The following SPTBN5 variants were observed in gnomAD, a reference collection of about 807,000 sequenced individuals.
The protein encoded by SPTBN5 is spectrin beta, non-erythrocytic 5, also known as spectrin beta chain, non-erythrocytic 5.
SPTBN5 carries 513 observed loss-of-function variants against 477.6 expected under a neutral mutation model. The ratio of observed to expected loss-of-function variants is 1.07; its 90% CI spans 1.00 to 1.16. The LOEUF (loss-of-function observed/expected upper bound fraction) is 1.16. Ranked by LOEUF, SPTBN5 falls within the 50% of genes most tolerant of loss-of-function variation. The pLI is 0.00. For synonymous variants in SPTBN5, 2,169 were observed against 2,011.7 expected, an observed-to-expected ratio of 1.08 and a Z score of -2.09; for missense variants, 5,062 against 4,731.8, an observed-to-expected ratio of 1.07 and a Z score of -2.05.
In SPTBN5 at chr15:41,860,633, G is replaced by C. The variant is rs968291410; in HGVS notation, c.7941C>G (p.His2647Gln). The C allele has an allele frequency of 6.5e-7, 1 of 1,533,128 alleles. No individual in the cohort carries two copies. Among genetic ancestry groups the C allele is most frequent in the Middle Eastern group, 1.8e-4 (1 of 5,486 alleles). The allele number at this position is 1,533,128 out of a possible 1,614,324, so 95.0% of individuals were successfully genotyped here. A position where few individuals can be genotyped will look rare whatever the true frequency, so the allele number is the denominator to read the frequency against. The change falls in exon 47 of 68, where the codon CAC becomes CAG. Residue 2647 changes from histidine (H) to glutamine (Q), a missense_variant. By Grantham distance (24) the His-to-Gln change is conservative. Transcript: ENST00000320955. ...TGCCCAGGGCACTCTGGGCCTCGGG[G>C]TGCCCACCCTGGTGCAGGCCGCGGG... Reference protein sequence around the residue: ...ATARGLHQGGHPEAQSALGRC... With the variant: ...ATARGLHQGGQPEAQSALGRC...
At position 41,870,297 on chromosome 15, in the gene SPTBN5, C is replaced by T. The variant is rs771420217; in HGVS notation, c.5619G>A (p.Ala1873=). The T allele has an allele frequency of 3.7e-5, 57 of 1,557,730 alleles. No homozygotes were observed. The highest frequency in any genetic ancestry group is 1.7e-4 in the Middle Eastern group (1 of 6,014). Residue 1873 remains alanine, a synonymous_variant, in exon 31 of 68, where the codon GCG becomes GCA. Coordinates refer to ENST00000320955, the MANE Select transcript of SPTBN5 (RefSeq NM_016642.4). ...NVARDLCGLE[A]QLRSHQGLER... is the part of the protein sequence containing the mutation. ...CCAGCCCCTGGTGGCTTCTCAGCTG[C>T]GCCTCCAGCCCACACAGGTCCCGTG...
Position 41,887,432 on chromosome 15 carries a change from C to T in SPTBN5, c.669G>A (p.Leu223=), listed in dbSNP as rs368797137. Residue 223 remains leucine (L), a synonymous_variant, in exon 6 of 68, where the codon CTG becomes CTA. Transcript: ENST00000320955. ...CTGGACGCAGGGAGCCGTAGTCCAA[C>T]AGGTCTGGCCTGGACAGACAGTGAG... ...NALIHAHRPD[L]LDYGSLRPDR... 32 of 1,552,270 alleles carry T rather than the reference C, an allele frequency of 2.1e-5. No individual in the cohort carries two copies. The East Asian group carries it at 3.2e-4, about 15-fold the overall frequency.
rs779447191 is a variant in SPTBN5 at position 41,876,660 on chromosome 15, G to GC, written c.3852-14_3852-13insG. ...CTGCTCTCTGACCCTGGAGGGCGGG[G>GC]GGGGGTTGGAGGAGGGCATGGGAGA... is the stretch of plus-strand genomic sequence containing the variant. On this transcript the variant is annotated splice_polypyrimidine_tract_variant and intron_variant, in intron 19 of 67. Transcript: ENST00000320955. 4 of 1,453,882 alleles carry GC rather than the reference G, an allele frequency of 2.8e-6. No individual in the cohort carries two copies. The highest frequency in any genetic ancestry group is 1.5e-5 in the African/African-American group (1 of 68,240). The allele number at this position is 1,453,882 out of a possible 1,614,324, so 90.1% of individuals were successfully genotyped here. A position where few individuals can be genotyped will look rare whatever the true frequency, so the allele number is the denominator to read the frequency against.
At position 41,893,455 on chromosome 15, in the gene SPTBN5, C is replaced by T; in HGVS notation, c.43G>A (p.Ala15Thr). The change falls in exon 2 of 68, where the codon GCA (alanine) becomes ACA (threonine). Residue 15 changes from alanine to threonine, a missense_variant. Ala to Thr is a moderately conservative substitution (Grantham distance 58). Coordinates refer to ENST00000320955, the MANE Select transcript of SPTBN5 (RefSeq NM_016642.4). Reference protein sequence around the residue: ...PHSPRELLGAAGHRSRRPSTE... With the variant: ...PHSPRELLGATGHRSRRPSTE... ...CTGGGCCTCCTGCTGCGGTGCCCTG[C>T]AGCCCCGAGGAGCTCCCGGGGACTG... The T allele has an allele frequency of 1.4e-5, 22 of 1,608,050 alleles. No homozygotes were observed. The highest frequency in any genetic ancestry group is 1.9e-5 in the Non-Finnish European group (22 of 1,178,542).
At chr15:41,875,753 G>T in intron 21 of SPTBN5, 131 bp from the exon 22 acceptor site, 3 of 984,356 alleles carry the variant, frequency 3.0e-6, no homozygotes, top group Non-Finnish European at 4.4e-6. Context: ...CTGCCTGGAA[G>T]AAAGCAGTTC....
intron 29 of SPTBN5, among the ~76,000 whole-genome samples, chr15:41,870,805 G>A (rs2066509885): frequency 6.6e-6 from 1 of 152,244 alleles, no homozygotes; most frequent in African/African-American, 2.4e-5. Context: ...CATGGTATCT[G>A]TGCTGTGATA....
In SPTBN5 at chr15:41,876,151, A is replaced by G. The variant is rs374142999; in HGVS notation, c.4085T>C (p.Leu1362Pro). 7.3e-5 allele frequency: 117 copies of G among 1,604,278 alleles called. No homozygotes were observed. The highest frequency in any genetic ancestry group is 9.0e-5 in the Non-Finnish European group (106 of 1,179,450). The change falls in exon 21 of 68, where the codon CTA becomes CCA. Residue 1362 changes from leucine (L) to proline (P), a missense_variant. Transcript: ENST00000320955. ...LKRHEAAESE[L>P]LATRRHVEAL... The stretch of plus-strand genomic sequence containing the variant: ...CTCCACGTGTCTGCGGGTGGCGAGT[A>G]GCTCGCTCTCAGCTGCTTCGTGCCG...
Position 41,853,603 on chromosome 15 carries a change from A to T in SPTBN5, c.9959T>A (p.Leu3320His), listed in dbSNP as rs556249933. Residue 3320 changes from leucine to histidine, a missense_variant, in exon 58 of 68, where the codon CTC becomes CAC. Transcript: ENST00000320955. ...CTACAGCAGTTCCTGGCAGCGCCCGAGGAAGGCATGGCCCTGTGCAGCCTG... is the reference window on the plus strand; with the variant it reads ...CTACAGCAGTTCCTGGCAGCGCCCGTGGAAGGCATGGCCCTGTGCAGCCTG... ...LAQAAQGHAF[L>H]GRCQELLAWA... 3 of 1,579,050 alleles carry T rather than the reference A, an allele frequency of 1.9e-6. No homozygotes were observed. In the African/African-American group the frequency reaches 4.0e-5, roughly 21 times the overall value.
At chr15:41,888,739 G>A (rs949485779) in intron 4 of SPTBN5, among the ~76,000 whole-genome samples, 1 of 152,232 alleles carries the variant, frequency 6.6e-6, no homozygotes, top group African/African-American at 2.4e-5. Context: ...GGAATTACAG[G>A]TGTTAGCCAC....
chr15:41,882,460 C>T lies in SPTBN5; in HGVS notation c.2056G>A (p.Ala686Thr). The T allele has an allele frequency of 1.3e-6, 2 of 1,553,868 alleles. No individual in the cohort carries two copies. The highest frequency in any genetic ancestry group is 2.4e-5 in the East Asian group (1 of 42,110). ...GALQKHKALE[A>T]EVHRHQAVCV... ...ACGGCCTGGTGGCGGTGGACCTCAGCTTCCAGGGCCTAGCGGGGGGCAGAG... is the reference window on the plus strand; with the variant it reads ...ACGGCCTGGTGGCGGTGGACCTCAGTTTCCAGGGCCTAGCGGGGGGCAGAG... The change falls in exon 11 of 68, where the codon GCT becomes ACT. Residue 686 changes from alanine to threonine, a missense_variant. Ala to Thr is a moderately conservative substitution (Grantham distance 58). Coordinates refer to ENST00000320955, the MANE Select transcript of SPTBN5 (RefSeq NM_016642.4).
intron 47 of SPTBN5, among the ~76,000 whole-genome samples, chr15:41,859,848 G>A (rs1460467673): frequency 1.3e-5 from 2 of 152,182 alleles, no homozygotes; most frequent in African/African-American, 2.4e-5. Flanking sequence ...CCACTGCCAG[G>A]ACACCAGCAC....
intron 17 of SPTBN5, among the ~76,000 whole-genome samples, 198 bp from the exon 18 acceptor site, chr15:41,877,554 A>G (rs777509976): frequency 6.6e-6 from 1 of 152,248 alleles, no homozygotes; most frequent in Non-Finnish European, 1.5e-5. Flanking sequence ...TGGACTGCCA[A>G]CAGCCGATGC....
intron 51 of SPTBN5, 89 bp downstream of exon 51, chr15:41,857,149 G>A: frequency 2.6e-6 from 4 of 1,515,130 alleles, no homozygotes; most frequent in East Asian, 2.4e-5. Flanking sequence ...GGCAAGGGGA[G>A]AAAGTGAGAA....
In SPTBN5 at chr15:41,874,353, C is replaced by G; in HGVS notation, c.4628G>C (p.Gly1543Ala). The G allele has an allele frequency of 6.2e-7, 1 of 1,613,886 alleles. No individual in the cohort carries two copies. Among genetic ancestry groups the G allele is most frequent in the Non-Finnish European group, 8.5e-7 (1 of 1,179,874 alleles). ...LSWVAEHMPH[G>A]SPTSYTECLN... ...GCACTCGGTATAGCTGGTGGGGCTG[C>G]CATGGGGCATGTGCTCGGCTACCCA... The change falls in exon 24 of 68, where the codon GGC (glycine) becomes GCC (alanine). Residue 1543 changes from glycine to alanine, a missense_variant. Gly to Ala is a moderately conservative substitution (Grantham distance 60, BLOSUM62 0). Transcript: ENST00000320955.
Position 41,863,934 on chromosome 15 carries a change from G to C in SPTBN5, c.7009C>G (p.Gln2337Glu). 1 of 1,613,890 alleles carries C rather than the reference G, an allele frequency of 6.2e-7. No homozygotes were observed. The highest frequency in any genetic ancestry group is 1.1e-5 in the South Asian group (1 of 91,066). ...RDPEEVKIIC[Q>E]RRSQLNNRWA... is the part of the protein sequence containing the mutation. ...CTGTTGTTGAGCTGGCTTCGCCGCTGGCAGATGATCTTGACTTCCTCAGGG... is the reference window on the plus strand; with the variant it reads ...CTGTTGTTGAGCTGGCTTCGCCGCTCGCAGATGATCTTGACTTCCTCAGGG... The change falls in exon 40 of 68, where the codon CAG (glutamine) becomes GAG (glutamate). Residue 2337 changes from glutamine (Q) to glutamate (E), a missense_variant. Gln to Glu is a conservative substitution (Grantham distance 29). Transcript: ENST00000320955.
At chr15:41,853,513 C>A in intron 58 of SPTBN5, 66 bp from the exon 59 acceptor site, 1 of 1,535,690 alleles carries the variant, frequency 6.5e-7, no homozygotes. Flanking sequence ...GGGTCCAGCT[C>A]CCCCAAGAGC....
rs1168498255 is a variant in SPTBN5 at position 41,857,241 on chromosome 15, T to C, written c.8618A>G (p.Gln2873Arg). The change falls in exon 51 of 68, where the codon CAG becomes CGG. Residue 2873 changes from glutamine to arginine, a missense_variant. Coordinates refer to ENST00000320955, the MANE Select transcript of SPTBN5 (RefSeq NM_016642.4). ...DVEEQARRLL[Q>R]RFKSLREPLQ... ...CTGAGGGCACGGGTGGATCTACCTC[T>C]GAAGCAGCCGCCGGGCCTGCTCTTC... 3 of 1,584,626 alleles carry C rather than the reference T, an allele frequency of 1.9e-6. No individual in the cohort carries two copies. The Admixed American group carries it at 5.3e-5, about 28-fold the overall frequency.
In SPTBN5 at chr15:41,866,124, G is replaced by C; in HGVS notation, c.6736C>G (p.Leu2246Val). 1 of 1,558,898 alleles carries C rather than the reference G, an allele frequency of 6.4e-7. No homozygotes were observed. The highest frequency in any genetic ancestry group is 1.2e-5 in the South Asian group (1 of 84,682). Residue 2246 changes from leucine (L) to valine (V), a missense_variant, in exon 38 of 68, where the codon CTC (leucine) becomes GTC (valine). Coordinates refer to ENST00000320955, the MANE Select transcript of SPTBN5 (RefSeq NM_016642.4). ...CTGTCCTCCAGCTCCTGGCCCCTGA[G>C]GGCCATTGCCTGCCTCAGGTCCTCC... ...HWEDLRQAMALRGQELEDRRN... is the reference protein window; with the variant it reads ...HWEDLRQAMAVRGQELEDRRN...
In SPTBN5 at chr15:41,854,083, C is replaced by A; in HGVS notation, c.9741G>T (p.Val3247=). The A allele has an allele frequency of 6.3e-7, 1 of 1,578,700 alleles. No individual in the cohort carries two copies. Among genetic ancestry groups the A allele is most frequent in the Non-Finnish European group, 8.6e-7 (1 of 1,164,120 alleles). ...GCCTGTGCTGTTGCTGCAGGGTCCGCACAGATGACAGGCTGTGGCCTCCGT... is the reference window on the plus strand; with the variant it reads ...GCCTGTGCTGTTGCTGCAGGGTCCGAACAGATGACAGGCTGTGGCCTCCGT... ...GEDGGHSLSS[V]RTLQQQHRRL... is the part of the protein sequence containing the mutation. Residue 3247 remains valine, a synonymous_variant, in exon 57 of 68, where the codon GTG becomes GTT. Coordinates refer to ENST00000320955, the MANE Select transcript of SPTBN5 (RefSeq NM_016642.4).
Sources: gnomAD v4.1 joint callset for allele counts (sites outside exome capture counted in the v4.1 genomes callset) on GRCh38, gnomAD v4.1.1 for gene constraint, MANE v1.5 for transcripts, NCBI Gene and HGNC (gene_info 2026-07-23, HGNC 2026-07-21) for gene names.